Variants in EPB41L4A observed in about 807,000 individuals in gnomAD.
The protein encoded by EPB41L4A is erythrocyte membrane protein band 4.1 like 4A.
Under a neutral mutation model 108.6 loss-of-function variants are expected in EPB41L4A, and 100 were observed. The observed-to-expected ratio is 0.92, with a 90% confidence interval of 0.78 to 1.09. The LOEUF is 1.09. EPB41L4A is among the 50% of genes least tolerant of loss of function. The pLI is 0.00. For missense variants in EPB41L4A, 1,030 were observed against 842.7 expected (o/e 1.22, Z -2.75); for synonymous variants, 319 against 289.0 (o/e 1.10, Z -1.05).
chr5:112,307,393 T>C lies in EPB41L4A; in HGVS notation c.197A>G (p.His66Arg). Residue 66 changes from histidine to arginine, a missense_variant, in exon 2 of 23, where the codon CAT (histidine) becomes CGT (arginine). Coordinates refer to ENST00000261486, the MANE Select transcript of EPB41L4A (RefSeq NM_022140.5). ...CAAAGTCACCTTACTCACCGTCTGA[T>C]GGCTTCTGTCACAGTAACGTAGCCC... ...YFGLRYCDRS[H>R]QTYWLDPAKT... 1 of 1,606,858 alleles carries C rather than the reference T, an allele frequency of 6.2e-7. No individual in the cohort carries two copies. The highest frequency in any genetic ancestry group is 8.5e-7 in the Non-Finnish European group (1 of 1,173,908).
chr5:112,284,223 G>C (rs1681109161), intron 2 of EPB41L4A, among the ~76,000 whole-genome samples: 1 of 152,168 alleles, frequency 6.6e-6, no homozygotes, highest in African/African-American at 2.4e-5. Context: ...AAGAGGAGCA[G>C]AGAGCTGAGA....
At chr5:112,231,931 C>T (rs1748984931) in intron 12 of EPB41L4A, among the ~76,000 whole-genome samples, 1 of 150,348 alleles carries the variant, frequency 6.7e-6, no homozygotes, top group East Asian at 2.0e-4. Flanking sequence ...ACAGCAAGAC[C>T]CCATCTCTAC....
chr5:112,361,287 A>G (rs1228699989), intron 1 of EPB41L4A, among the ~76,000 whole-genome samples: 1 of 152,218 alleles, frequency 6.6e-6, no homozygotes, highest in Non-Finnish European at 1.5e-5. Flanking sequence ...GGGCGGTGCA[A>G]GATGTGCTTT....
intron 1 of EPB41L4A, among the ~76,000 whole-genome samples, chr5:112,311,009 C>T (rs1192240570): frequency 6.6e-6 from 1 of 152,108 alleles, no homozygotes; most frequent in Non-Finnish European, 1.5e-5. Context: ...TCAGATTTTC[C>T]AGCATTCTTA....
chr5:112,177,278 C>T (rs1053956601), intron 18 of EPB41L4A, among the ~76,000 whole-genome samples: 13 of 152,084 alleles, frequency 8.5e-5, no homozygotes, highest in African/African-American at 3.1e-4. Flanking sequence ...CGTTCAAGGC[C>T]TTTTCCTCTA....
At chr5:112,331,430 T>G (rs1396798667) in intron 1 of EPB41L4A, among the ~76,000 whole-genome samples, 3 of 152,214 alleles carry the variant, frequency 2.0e-5, no homozygotes, top group African/African-American at 7.2e-5. Flanking sequence ...CTTTCCTTGT[T>G]TATAACACAC....
At chr5:112,383,091 G>A (rs1760278710) in intron 1 of EPB41L4A, among the ~76,000 whole-genome samples, 1 of 152,186 alleles carries the variant, frequency 6.6e-6, no homozygotes, top group Non-Finnish European at 1.5e-5. Flanking sequence ...AAGTGCATGT[G>A]AAGGGTTAGA....
At chr5:112,331,411 C>A (rs1756558903) in intron 1 of EPB41L4A, among the ~76,000 whole-genome samples, 1 of 152,242 alleles carries the variant, frequency 6.6e-6, no homozygotes, top group East Asian at 1.9e-4. Flanking sequence ...GGTCAAAATT[C>A]ACTTCCTGCT....
intron 12 of EPB41L4A, among the ~76,000 whole-genome samples, chr5:112,233,978 G>A (rs1749143906): frequency 6.6e-6 from 1 of 151,636 alleles, no homozygotes; most frequent in African/African-American, 2.4e-5. Flanking sequence ...ACAGGTATGA[G>A]CCATTGTGCC....
At chr5:112,218,593 T>C (rs1054651814) in intron 12 of EPB41L4A, among the ~76,000 whole-genome samples, 1 of 152,240 alleles carries the variant, frequency 6.6e-6, no homozygotes, top group African/African-American at 2.4e-5. Context: ...AAGCTGGTTC[T>C]GTCTCAGAGG....
chr5:112,366,868 A>G (rs925305670), intron 1 of EPB41L4A, among the ~76,000 whole-genome samples: 3 of 152,190 alleles, frequency 2.0e-5, no homozygotes, highest in Admixed American at 6.5e-5. Context: ...GAACTCCTCA[A>G]AGGCAGCAAC....
intron 1 of EPB41L4A, among the ~76,000 whole-genome samples, chr5:112,318,360 A>C (rs1013723624): frequency 6.6e-6 from 1 of 152,160 alleles, no homozygotes; most frequent in Non-Finnish European, 1.5e-5. Flanking sequence ...TATTTTCAAG[A>C]CTAATTTAAA....
At chr5:112,210,693 C>G (rs1762695102) in intron 12 of EPB41L4A, among the ~76,000 whole-genome samples, 1 of 151,976 alleles carries the variant, frequency 6.6e-6, no homozygotes, top group African/African-American at 2.4e-5. Flanking sequence ...GTCAGGCTTC[C>G]ACTCTCAGGG....
At chr5:112,259,519 G>C (rs923344278) in intron 8 of EPB41L4A, among the ~76,000 whole-genome samples, 1 of 152,154 alleles carries the variant, frequency 6.6e-6, no homozygotes, top group Non-Finnish European at 1.5e-5. Flanking sequence ...AGAATCCCTA[G>C]ATTGTGGCAG....
At chr5:112,159,359 G>A (rs569830582), downstream of EPB41L4A, among the ~76,000 whole-genome samples, 2 of 152,330 alleles carry the variant, frequency 1.3e-5, no homozygotes, top group South Asian at 4.1e-4. Flanking sequence ...CTAGGACTTA[G>A]AGAAACATGG....
Position 112,365,916 on chromosome 5 carries a change from A to G in EPB41L4A, c.99+53025T>C, listed in dbSNP as rs551274569. On this transcript the variant is annotated intron_variant, in intron 1 of 22. Transcript: ENST00000261486. The stretch of plus-strand genomic sequence containing the variant: ...AAAATGATCAGCGCAAGGATCTCTG[A>G]TAAGACAAAGTACAAGGTAAGAATG... Among the ~76,000 whole-genome samples the G allele has an allele frequency of 2.6e-5, 4 of 152,354 alleles. No individual in the cohort carries two copies. In the South Asian group the frequency reaches 6.2e-4, roughly 24 times the overall value.
intron 14 of EPB41L4A, among the ~76,000 whole-genome samples, chr5:112,205,139 A>T (rs1762410926): frequency 6.6e-6 from 1 of 152,234 alleles, no homozygotes; most frequent in Non-Finnish European, 1.5e-5. Context: ...TATGCCATTT[A>T]GAGTTTTCAG....
chr5:112,191,959 A>AT (rs1442820340), intron 17 of EPB41L4A: 1 of 152,248 alleles, frequency 6.6e-6, no homozygotes, highest in East Asian at 1.9e-4. Flanking sequence ...GGCAAGAGGT[A>AT]GAACATCAGC....
chr5:112,229,002 G>T (rs1407372816), intron 12 of EPB41L4A, among the ~76,000 whole-genome samples: 1 of 152,178 alleles, frequency 6.6e-6, no homozygotes, highest in African/African-American at 2.4e-5. Flanking sequence ...ATTGAGAGGT[G>T]AATAAACATG....
Sources: gnomAD v4.1 joint callset for allele counts (sites outside exome capture counted in the v4.1 genomes callset) on GRCh38, gnomAD v4.1.1 for gene constraint, MANE v1.5 for transcripts, NCBI Gene and HGNC (gene_info 2026-07-23, HGNC 2026-07-21) for gene names.